LINGO2: variants seen among roughly 807,000 people sequenced by gnomAD.
LINGO2 encodes leucine-rich repeat and immunoglobulin-like domain-containing nogo receptor-interacting protein 2.
LINGO2 carries 14 observed loss-of-function variants against 30.6 expected under a neutral mutation model. That is an observed-to-expected ratio of 0.46 (90% CI 0.30 to 0.72). The LOEUF is 0.72. LINGO2 is among the 30% of genes least tolerant of loss of function. The probability of loss-of-function intolerance (pLI) is 0.07; values close to 1 mark genes in which losing one functional copy is unlikely to be tolerated. For missense variants in LINGO2, 729 were observed against 751.7 expected, an observed-to-expected ratio of 0.97 and a Z score of 0.35; for synonymous variants, 317 against 288.5, an observed-to-expected ratio of 1.10 and a Z score of -1.00.
chr9:29,013,523 G>C, the LINGO2 span, among the ~76,000 whole-genome samples: 5 of 151,898 alleles, frequency 3.3e-5, no homozygotes, highest in Admixed American at 3.3e-4. Context: ...TAATTCCATA[G>C]ACTATGAAAC....
At chr9:28,675,905 G>GTATATATATATA in the LINGO2 span, among the ~76,000 whole-genome samples, 481 of 125,992 alleles carry the variant, frequency 3.8e-3, 5 homozygotes, top group East Asian at 0.012. Flanking sequence ...GTGTGTGTAT[G>GTATATATATATA]TATATATATA....
rs1483651820 is a variant in LINGO2 at position 28,261,011 on chromosome 9, A to AT, written c.-87+34196dup. ...TGTACCCGTATAAGATACAAGTAGG[A>AT]TACATGTAAATCATACATCTAGATA... is the stretch of plus-strand genomic sequence containing the variant. On this transcript the variant is annotated intron_variant, in intron 4 of 5. Coordinates refer to ENST00000379992, the Ensembl canonical transcript of LINGO2. Among the ~76,000 whole-genome samples, 4 of 152,094 alleles carry AT rather than the reference A, an allele frequency of 2.6e-5. No homozygotes were observed. The East Asian group carries it at 7.8e-4, about 30-fold the overall frequency.
the LINGO2 span, among the ~76,000 whole-genome samples, chr9:28,719,956 C>T: frequency 1.3e-5 from 2 of 151,952 alleles, no homozygotes; most frequent in Non-Finnish European, 2.9e-5. Context: ...TCATCAGTAA[C>T]AAATCTTAGT....
At chr9:28,682,916 A>C in the LINGO2 span, among the ~76,000 whole-genome samples, 1 of 152,152 alleles carries the variant, frequency 6.6e-6, no homozygotes, top group East Asian at 1.9e-4. Flanking sequence ...AAAGAAATTC[A>C]AATTTTAACC....
the LINGO2 span, among the ~76,000 whole-genome samples, chr9:29,080,206 T>C: frequency 6.6e-6 from 1 of 152,184 alleles, no homozygotes; most frequent in Non-Finnish European, 1.5e-5. Context: ...TATCCATTTC[T>C]TCTAGATTAT....
chr9:28,141,563 C>G (rs975352889), intron 4 of LINGO2, among the ~76,000 whole-genome samples: 1 of 152,224 alleles, frequency 6.6e-6, no homozygotes, highest in Admixed American at 6.5e-5. Context: ...CTGGGTTACA[C>G]TTTGGAAAAC....
the LINGO2 span, among the ~76,000 whole-genome samples, chr9:28,933,398 A>G: frequency 3.3e-5 from 5 of 152,380 alleles, no homozygotes; most frequent in African/African-American, 4.8e-5. Flanking sequence ...CGCCAATCGC[A>G]TAAGAACTCT....
chr9:28,695,897 G>A, the LINGO2 span, among the ~76,000 whole-genome samples: 1 of 151,832 alleles, frequency 6.6e-6, no homozygotes, highest in Non-Finnish European at 1.5e-5. Flanking sequence ...TTGGTTTGAT[G>A]CATGTACTAC....
At chr9:28,677,055 ACTGTT>A in the LINGO2 span, among the ~76,000 whole-genome samples, 1 of 152,144 alleles carries the variant, frequency 6.6e-6, no homozygotes, top group African/African-American at 2.4e-5. Flanking sequence ...TATGCTAGGC[ACTGTT>A]CTAAGTACAT....
chr9:28,614,450 T>C (rs1218613835), intron 1 of LINGO2, among the ~76,000 whole-genome samples: 1 of 152,122 alleles, frequency 6.6e-6, no homozygotes, highest in Non-Finnish European at 1.5e-5. Flanking sequence ...AAACAAAGTG[T>C]AGGTAAGTTT....
the LINGO2 span, among the ~76,000 whole-genome samples, chr9:29,180,045 A>G: frequency 6.6e-6 from 1 of 152,230 alleles, no homozygotes; most frequent in Non-Finnish European, 1.5e-5. Context: ...AAAGATCAGT[A>G]AGTAGGTAGA....
At chr9:29,166,771 C>A in the LINGO2 span, among the ~76,000 whole-genome samples, 35 of 152,240 alleles carry the variant, frequency 2.3e-4, 1 homozygote, top group South Asian at 3.5e-3. Flanking sequence ...AATCCATTCA[C>A]ATGAGCCATT....
chr9:29,170,705 A>T, the LINGO2 span, among the ~76,000 whole-genome samples: 1 of 152,174 alleles, frequency 6.6e-6, no homozygotes, highest in Non-Finnish European at 1.5e-5. Context: ...TATTCATGAC[A>T]TACAATATTT....
chr9:28,416,904 C>T (rs1278535589), intron 2 of LINGO2, among the ~76,000 whole-genome samples: 1 of 152,088 alleles, frequency 6.6e-6, no homozygotes, highest in Non-Finnish European at 1.5e-5. Flanking sequence ...AAGAATTGTA[C>T]ATATGTACCC....
At chr9:28,486,944 G>A (rs932940576) in intron 1 of LINGO2, among the ~76,000 whole-genome samples, 1 of 151,988 alleles carries the variant, frequency 6.6e-6, no homozygotes, top group Non-Finnish European at 1.5e-5. Context: ...AAACATTTAA[G>A]AGGCTGAGTG....
intron 4 of LINGO2, among the ~76,000 whole-genome samples, chr9:28,256,248 G>A (rs1291991484): frequency 6.6e-6 from 1 of 151,844 alleles, no homozygotes; most frequent in Non-Finnish European, 1.5e-5. Context: ...AAAGTAAAAT[G>A]CATTTCATCC....
chr9:28,357,319 A>ACCCC (rs1554710540), intron 3 of LINGO2, among the ~76,000 whole-genome samples: 1 of 74,794 alleles, frequency 1.3e-5, no homozygotes, highest in Non-Finnish European at 3.1e-5. Context: ...AATAAAGCCC[A>ACCCC]CCCCCCCCAA....
At chr9:28,145,358 T>G (rs949843592) in intron 4 of LINGO2, among the ~76,000 whole-genome samples, 1 of 152,244 alleles carries the variant, frequency 6.6e-6, no homozygotes, top group African/African-American at 2.4e-5. Context: ...TTGCATACTT[T>G]GGGTATTTTA....
chr9:29,194,026 G>C, the LINGO2 span, among the ~76,000 whole-genome samples: 1 of 152,198 alleles, frequency 6.6e-6, no homozygotes, highest in African/African-American at 2.4e-5. Flanking sequence ...TTGTCCTCTG[G>C]AGTCCAGCCT....
Sources: allele counts gnomAD v4.1 joint callset (sites outside exome capture counted in the v4.1 genomes callset), GRCh38; gene constraint gnomAD v4.1.1; transcripts MANE v1.5; gene names NCBI Gene and HGNC (gene_info 2026-07-23, HGNC 2026-07-21).